Variants in OSGIN2 observed in about 807,000 individuals in gnomAD.
OSGIN2 encodes oxidative stress induced growth inhibitor family member 2.
A neutral mutation model predicts 53.8 loss-of-function variants in OSGIN2; 19 were observed. The ratio of observed to expected loss-of-function variants is 0.35; its 90% CI spans 0.25 to 0.52. The LOEUF (loss-of-function observed/expected upper bound fraction) is 0.52. Among genes scored for constraint, OSGIN2 ranks in the 20% least tolerant of loss-of-function variants. The pLI is 0.95. For synonymous variants in OSGIN2, 236 were observed against 236.0 expected, an observed-to-expected ratio of 1.00 and a Z score of 0.00; for missense variants, 520 against 662.7, an observed-to-expected ratio of 0.78 and a Z score of 2.36.
At chr8:89,923,106 G>A (rs1809243363) in intron 5 of OSGIN2, among the ~76,000 whole-genome samples, 1 of 152,142 alleles carries the variant, frequency 6.6e-6, no homozygotes, top group Non-Finnish European at 1.5e-5. Context: ...AGTGGTGAGT[G>A]AATGTGAAGG....
In OSGIN2 at chr8:89,925,572, A is replaced by G. The variant is rs889846995; in HGVS notation, c.*40A>G. The G allele has an allele frequency of 1.3e-6, 2 of 1,513,052 alleles. No individual in the cohort carries two copies. Among genetic ancestry groups the G allele is most frequent in the African/African-American group, 1.4e-5 (1 of 71,806 alleles). 93.7% of individuals were successfully genotyped at this position (1,513,052 alleles called of 1,614,324 possible). A position where few individuals can be genotyped will look rare whatever the true frequency, so the allele number is the denominator to read the frequency against. ...TAATTAAAATGGACAGTTTGCCATT[A>G]AAGATTTTTAATAGTGGTTTTGCAG... On this transcript the variant is annotated 3_prime_UTR_variant, in exon 6 of 6. Transcript: ENST00000451899.
chr8:89,903,800 A>C (rs1808781036), intron 1 of OSGIN2, among the ~76,000 whole-genome samples: 1 of 152,246 alleles, frequency 6.6e-6, no homozygotes, highest in Non-Finnish European at 1.5e-5. Flanking sequence ...ATATAGAAAT[A>C]CTGTTTATAC....
chr8:89,915,460 G>C (rs957174777), intron 4 of OSGIN2, among the ~76,000 whole-genome samples: 15 of 152,142 alleles, frequency 9.9e-5, no homozygotes, highest in Non-Finnish European at 2.9e-5. Flanking sequence ...GGACCTCAAC[G>C]TAAGAATTTT....
intron 5 of OSGIN2, among the ~76,000 whole-genome samples, chr8:89,921,903 C>T (rs537260473): frequency 6.6e-6 from 1 of 151,908 alleles, no homozygotes; most frequent in East Asian, 1.9e-4. Flanking sequence ...TGCTTGAACC[C>T]GGGAGGCAGA....
intron 1 of OSGIN2, among the ~76,000 whole-genome samples, chr8:89,907,414 T>A (rs1308887562): frequency 1.3e-5 from 2 of 152,212 alleles, no homozygotes; most frequent in African/African-American, 4.8e-5. Flanking sequence ...TTTGAGTCTT[T>A]AATCCATCTA....
At chr8:89,902,489 G>T, upstream of OSGIN2, 1 of 152,990 alleles carries the variant, frequency 6.5e-6, no homozygotes, top group Non-Finnish European at 1.5e-5. Context: ...CCTGCGAGGA[G>T]GGGCCCGCGC....
chr8:89,916,451 C>T (rs750756477), intron 4 of OSGIN2, among the ~76,000 whole-genome samples: 3 of 152,212 alleles, frequency 2.0e-5, no homozygotes, highest in Non-Finnish European at 4.4e-5. Context: ...CCTAATGTTC[C>T]CAGACATAAT....
At chr8:89,918,678 G>A (rs1281732777) in intron 4 of OSGIN2, among the ~76,000 whole-genome samples, 3 of 152,130 alleles carry the variant, frequency 2.0e-5, no homozygotes, top group Non-Finnish European at 4.4e-5. Flanking sequence ...TATTCTGCAG[G>A]TGTCCTCAGA....
intron 5 of OSGIN2, among the ~76,000 whole-genome samples, chr8:89,923,253 G>T (rs1253958180): frequency 1.3e-5 from 2 of 152,138 alleles, no homozygotes; most frequent in Admixed American, 6.5e-5. Flanking sequence ...GAATTTTTCA[G>T]CTCCTTTATA....
chr8:89,905,025 T>G (rs1446875893), intron 1 of OSGIN2, among the ~76,000 whole-genome samples: 1 of 152,154 alleles, frequency 6.6e-6, no homozygotes, highest in Non-Finnish European at 1.5e-5. Context: ...TTTGGTAAAT[T>G]TTAGGTTCAT....
rs780270897 is a variant in OSGIN2 at position 89,924,907 on chromosome 8, G to A, written c.1025G>A (p.Arg342His). Residue 342 changes from arginine (R) to histidine (H), a missense_variant, in exon 6 of 6, where the codon CGT becomes CAT. Arg to His is a conservative substitution (Grantham distance 29). This residue lies in a region of OSGIN2 where 239 missense variants were observed against 328.3 expected (regional missense o/e 0.73). Transcript: ENST00000451899. ...GCTGCTATAAACAAAGGAAAGTTGC[G>A]TGGCAAAGTGGATCCAGTGTTAATT... ...FGAAINKGKL[R>H]GKVDPVLIVG... 64 of 1,614,016 alleles carry A rather than the reference G, an allele frequency of 4.0e-5. No individual in the cohort carries two copies. Among genetic ancestry groups the A allele is most frequent in the Non-Finnish European group, 5.0e-5 (59 of 1,180,012 alleles).
At chr8:89,902,125 G>A (rs921661661), upstream of OSGIN2, 5 of 152,310 alleles carry the variant, frequency 3.3e-5, no homozygotes, top group East Asian at 1.9e-4. Flanking sequence ...AATGCCCAAA[G>A]GTGGGTTCTC....
intron 5 of OSGIN2, among the ~76,000 whole-genome samples, chr8:89,922,821 T>A (rs1376703114): frequency 1.3e-5 from 2 of 152,192 alleles, no homozygotes; most frequent in Non-Finnish European, 2.9e-5. Context: ...CTCCGTGGTA[T>A]AGCCTACTAT....
At position 89,926,992 on chromosome 8, in the gene OSGIN2, T is replaced by G. The variant is rs373913422; in HGVS notation, c.*1460T>G. On this transcript the variant is annotated 3_prime_UTR_variant, in exon 6 of 6. Transcript: ENST00000451899. ...GACTCTTGATAATATCACACCTAAT[T>G]TAACTTGATTTTACAAGCTGTACAA... is the stretch of plus-strand genomic sequence containing the variant. 1 of 152,214 alleles carries G rather than the reference T, an allele frequency of 6.6e-6. No individual in the cohort carries two copies. Among genetic ancestry groups the G allele is most frequent in the Non-Finnish European group, 1.5e-5 (1 of 68,026 alleles). 9.4% of individuals were successfully genotyped at this position (152,214 alleles called of 1,614,324 possible).
At position 89,926,336 on chromosome 8, in the gene OSGIN2, T is replaced by C. The variant is rs1809332208; in HGVS notation, c.*804T>C. 2 of 152,644 alleles carry C rather than the reference T, an allele frequency of 1.3e-5. No individual in the cohort carries two copies. Among genetic ancestry groups the C allele is most frequent in the Non-Finnish European group, 2.9e-5 (2 of 68,026 alleles). 9.5% of individuals were successfully genotyped at this position (152,644 alleles called of 1,614,324 possible). Reference sequence around the variant, plus strand: ...ATGTTTTTCAGAGATTTATTCTCGATTTAACTATCATAGCATTTAATGAAT... The same window carrying C: ...ATGTTTTTCAGAGATTTATTCTCGACTTAACTATCATAGCATTTAATGAAT... On this transcript the variant is annotated 3_prime_UTR_variant, in exon 6 of 6. Coordinates refer to ENST00000451899, the MANE Select transcript of OSGIN2 (RefSeq NM_001126111.3).
Position 89,914,722 on chromosome 8 carries a change from A to G in OSGIN2, c.504A>G (p.Lys168=). 6.2e-7 allele frequency: 1 copy of G among 1,613,802 alleles called. No individual in the cohort carries two copies. The highest frequency in any genetic ancestry group is 1.1e-5 in the South Asian group (1 of 91,056). Residue 168 remains lysine (K), a synonymous_variant, in exon 4 of 6, where the codon AAA becomes AAG. Coordinates refer to ENST00000451899, the MANE Select transcript of OSGIN2 (RefSeq NM_001126111.3). ...HHYIPHVVLG[K]GPPGGAWHNM... ...ATATCCCTCACGTAGTTCTTGGTAAAGGTCCACCTGGTGGGGCTTGGCATG... is the reference window on the plus strand; with the variant it reads ...ATATCCCTCACGTAGTTCTTGGTAAGGGTCCACCTGGTGGGGCTTGGCATG...
intron 4 of OSGIN2, among the ~76,000 whole-genome samples, chr8:89,916,444 A>C (rs767375171): frequency 1.3e-5 from 2 of 152,140 alleles, no homozygotes; most frequent in Non-Finnish European, 2.9e-5. Flanking sequence ...GAAGGTTCCT[A>C]ATGTTCCCAG....
intron 4 of OSGIN2, among the ~76,000 whole-genome samples, chr8:89,919,038 A>G (rs1809142864): frequency 6.6e-6 from 1 of 152,222 alleles, no homozygotes; most frequent in Non-Finnish European, 1.5e-5. Context: ...ACCAATGCAT[A>G]AAACTCTTCA....
chr8:89,926,518 A>G lies in OSGIN2; in HGVS notation c.*986A>G, dbSNP rs1809337219. ...TGTCTAAATTATTAAAGGTTAAAAT[A>G]GAAAATAAAGTCAGAATTTTTCTTT... is the stretch of plus-strand genomic sequence containing the variant. On this transcript the variant is annotated 3_prime_UTR_variant, in exon 6 of 6. Coordinates refer to ENST00000451899, the MANE Select transcript of OSGIN2 (RefSeq NM_001126111.3). 1 of 152,664 alleles carries G rather than the reference A, an allele frequency of 6.6e-6. No homozygotes were observed. Among genetic ancestry groups the G allele is most frequent in the Non-Finnish European group, 1.5e-5 (1 of 68,032 alleles). The allele number at this position is 152,664 out of a possible 1,614,324, so 9.5% of individuals were successfully genotyped here.
Sources: allele counts gnomAD v4.1 joint callset (sites outside exome capture counted in the v4.1 genomes callset), GRCh38; gene constraint gnomAD v4.1.1; regional missense constraint gnomAD v4.1.1; transcripts MANE v1.5; gene names NCBI Gene and HGNC (gene_info 2026-07-23, HGNC 2026-07-21).